FAM107B: variants seen among roughly 807,000 people sequenced by gnomAD.
FAM107B encodes the protein protein FAM107B.
In FAM107B, 21 loss-of-function variants were observed where a neutral mutation model predicts 31.5. The observed-to-expected ratio is 0.67, with a 90% CI of 0.47 to 0.96. FAM107B has a LOEUF of 0.96. FAM107B is among the 40% of genes least tolerant of loss of function. The probability of loss-of-function intolerance (pLI) is 0.00; values close to 1 mark genes in which losing one functional copy is unlikely to be tolerated. For synonymous variants in FAM107B, 157 were observed against 141.5 expected (o/e 1.11, Z -0.78); for missense variants, 452 against 377.1 (o/e 1.20, Z -1.64).
intron 1 of FAM107B, among the ~76,000 whole-genome samples, chr10:14,688,815 G>A (rs1386482671): frequency 1.3e-5 from 2 of 152,158 alleles, no homozygotes; most frequent in Non-Finnish European, 2.9e-5. Context: ...CACAGCTGCT[G>A]CTAACACAAT....
At chr10:14,615,576 T>G (rs1852830161) in intron 2 of FAM107B, among the ~76,000 whole-genome samples, 1 of 152,250 alleles carries the variant, frequency 6.6e-6, no homozygotes, top group African/African-American at 2.4e-5. Flanking sequence ...AGATCCAAGT[T>G]TTGCCCATGC....
intron 3 of FAM107B, 34 bp downstream of exon 3, chr10:14,530,298 T>C (rs766920971): frequency 6.3e-7 from 1 of 1,581,580 alleles, no homozygotes; most frequent in Non-Finnish European, 8.6e-7. Flanking sequence ...AAAAGTCCTC[T>C]TAAAAAAAAA....
At chr10:14,723,640 T>C (rs781377434) in intron 1 of FAM107B, 5 of 723,004 alleles carry the variant, frequency 6.9e-6, no homozygotes, top group South Asian at 4.2e-5. Context: ...AAGGTTAACA[T>C]AGGATTACTC....
intron 1 of FAM107B, among the ~76,000 whole-genome samples, chr10:14,716,777 T>C (rs1016296592): frequency 1.2e-4 from 18 of 152,156 alleles, no homozygotes; most frequent in African/African-American, 4.3e-4. Flanking sequence ...GTGCAGAGAC[T>C]TGTTGAGAGT....
Position 14,633,509 on chromosome 10 carries a change from C to T in FAM107B, c.469+34125G>A, listed in dbSNP as rs1188497600. Among the ~76,000 whole-genome samples the T allele has an allele frequency of 2.6e-5, 4 of 152,142 alleles. No individual in the cohort carries two copies. The East Asian group carries it at 7.7e-4, about 29-fold the overall frequency. On this transcript the variant is annotated intron_variant, in intron 2 of 4. Transcript: ENST00000181796. Reference sequence around the variant, plus strand: ...AATTTAATGATGGATTAAGTTATTTCATTGATTCATTCTTACATTAACTTA... The same window carrying T: ...AATTTAATGATGGATTAAGTTATTTTATTGATTCATTCTTACATTAACTTA...
chr10:14,525,285 T>G (rs1846103843), intron 3 of FAM107B, among the ~76,000 whole-genome samples: 1 of 152,214 alleles, frequency 6.6e-6, no homozygotes, highest in African/African-American at 2.4e-5. Flanking sequence ...AACCCCTTTA[T>G]GACAGTATCA....
intron 2 of FAM107B, among the ~76,000 whole-genome samples, chr10:14,628,125 T>TTTTTTTTTTTTTTTTTTTTTTG: frequency 7.2e-6 from 1 of 138,544 alleles, no homozygotes; most frequent in Admixed American, 7.3e-5. Flanking sequence ...TTTTTTTTTT[T>TTTTTTTTTTTTTTTTTTTTTTG]TTTTTTTTGA....
chr10:14,723,705 C>T (rs61842964), intron 1 of FAM107B: 76,985 of 755,488 alleles, frequency 0.1, 4,226 homozygotes, highest in East Asian at 0.16. Context: ...GTCATGGCTC[C>T]CAGAAGGCTG....
intron 2 of FAM107B, among the ~76,000 whole-genome samples, chr10:14,533,437 C>T (rs150741018): frequency 2.0e-3 from 299 of 152,214 alleles, no homozygotes; most frequent in African/African-American, 6.6e-3. Context: ...TAGGACGTGT[C>T]GAGTCTGAGA....
intron 2 of FAM107B, among the ~76,000 whole-genome samples, chr10:14,619,790 T>C (rs1273398097): frequency 6.6e-6 from 1 of 151,678 alleles, no homozygotes; most frequent in Non-Finnish European, 1.5e-5. Context: ...AGAAGTTTTA[T>C]AGTTTTTGCT....
At chr10:14,604,301 G>T (rs1170510950) in intron 2 of FAM107B, 2 of 976,002 alleles carry the variant, frequency 2.0e-6, no homozygotes, top group African/African-American at 1.8e-5. Flanking sequence ...CCGCGGCGGC[G>T]CCCAGCGGCC....
At chr10:14,591,534 T>C (rs963131048) in intron 2 of FAM107B, among the ~76,000 whole-genome samples, 2 of 152,184 alleles carry the variant, frequency 1.3e-5, no homozygotes, top group Admixed American at 1.3e-4. Flanking sequence ...CATCTCATGC[T>C]CACTGCCATC....
chr10:14,561,298 T>C (rs546878107), intron 2 of FAM107B, among the ~76,000 whole-genome samples: 1 of 152,294 alleles, frequency 6.6e-6, no homozygotes, highest in African/African-American at 2.4e-5. Flanking sequence ...GAGGGAAATA[T>C]AGTATCAGGC....
chr10:14,549,755 CA>C (rs1849082912), intron 2 of FAM107B, among the ~76,000 whole-genome samples: 1 of 152,156 alleles, frequency 6.6e-6, no homozygotes, highest in South Asian at 2.1e-4. Flanking sequence ...ACAGCACACC[CA>C]AACCCAGAAA....
intron 1 of FAM107B, among the ~76,000 whole-genome samples, chr10:14,682,748 G>A (rs893055476): frequency 6.6e-6 from 1 of 152,010 alleles, no homozygotes; most frequent in Non-Finnish European, 1.5e-5. Context: ...TCAGGGGGTC[G>A]AGAGCTAGGG....
chr10:14,625,733 T>C (rs1241129741), intron 2 of FAM107B, among the ~76,000 whole-genome samples: 1 of 151,980 alleles, frequency 6.6e-6, no homozygotes, highest in Non-Finnish European at 1.5e-5. Flanking sequence ...TCCAGTGCTA[T>C]TGCTTAGAAG....
chr10:14,580,453 G>C (rs1201806222), intron 2 of FAM107B, among the ~76,000 whole-genome samples: 1 of 152,094 alleles, frequency 6.6e-6, no homozygotes, highest in Non-Finnish European at 1.5e-5. Flanking sequence ...TCTGTATTAA[G>C]TGTGGTTTTG....
chr10:14,624,740 T>A (rs1398350768), intron 2 of FAM107B, among the ~76,000 whole-genome samples: 2 of 152,032 alleles, frequency 1.3e-5, no homozygotes, highest in Non-Finnish European at 2.9e-5. Context: ...TGTCATAAAA[T>A]AACTAAAGCA....
chr10:14,745,277 G>A (rs1055966530), intron 1 of FAM107B, among the ~76,000 whole-genome samples: 9 of 151,768 alleles, frequency 5.9e-5, no homozygotes, highest in African/African-American at 9.7e-5. Context: ...ATTTTTTGAA[G>A]GGTTTTTCAT....
Sources: allele counts gnomAD v4.1 joint callset (sites outside exome capture counted in the v4.1 genomes callset), GRCh38; gene constraint gnomAD v4.1.1; transcripts MANE v1.5; gene names NCBI Gene and HGNC (gene_info 2026-07-23, HGNC 2026-07-21).